STON1: variants seen among roughly 807,000 people sequenced by gnomAD.
The protein encoded by STON1 is stonin 1, also known as stonin-1.
STON1 carries 79 observed loss-of-function variants against 60.9 expected under a neutral mutation model. The ratio of observed to expected loss-of-function variants is 1.30; its 90% CI spans 1.08 to 1.56. The LOEUF (loss-of-function observed/expected upper bound fraction) is 1.56, where lower values mean the gene tolerates loss of function less well. Ranked by LOEUF, STON1 falls within the 40% of genes most tolerant of loss-of-function variation. STON1 has a pLI of 0.00. For synonymous variants in STON1, 363 were observed against 306.9 expected (o/e 1.18, Z -1.91); for missense variants, 1,166 against 858.9 (o/e 1.36, Z -4.47).
At chr2:48,570,304 A>G (rs2103866743) in intron 1 of STON1, among the ~76,000 whole-genome samples, 1 of 152,318 alleles carries the variant, frequency 6.6e-6, no homozygotes, top group Non-Finnish European at 1.5e-5. Flanking sequence ...ACTGCACTCC[A>G]GCCTGGGTGA....
At chr2:48,530,265 C>T (rs993373788) in intron 1 of STON1, 49 bp downstream of exon 1, 4 of 351,732 alleles carry the variant, frequency 1.1e-5, no homozygotes, top group Non-Finnish European at 1.6e-5. Context: ...GGGACCCCCC[C>T]TCTCCAGGGT....
In STON1 at chr2:48,580,991, G is replaced by A. The variant is rs780233160; in HGVS notation, c.358G>A (p.Glu120Lys). 8.3e-6 allele frequency: 13 copies of A among 1,574,330 alleles called. No individual in the cohort carries two copies. Among genetic ancestry groups the A allele is most frequent in the Non-Finnish European group, 1.1e-5 (13 of 1,163,452 alleles). The change falls in exon 2 of 4, where the codon GAA (glutamate) becomes AAA (lysine). Residue 120 changes from glutamate to lysine, a missense_variant. By Grantham distance (56) the Glu-to-Lys change is moderately conservative (BLOSUM62 1). Coordinates refer to ENST00000404752, the MANE Select transcript of STON1 (RefSeq NM_006873.4). ...CAGCCCACTCGCAATATCAGGAGGA[G>A]AATCTTCCTTACTGCCTACCAGACC... is the stretch of plus-strand genomic sequence containing the variant. Reference protein sequence around the residue: ...SDSPLAISGGESSLLPTRPTC... With the variant: ...SDSPLAISGGKSSLLPTRPTC...
intron 1 of STON1, among the ~76,000 whole-genome samples, chr2:48,550,064 A>C (rs1672035409): frequency 6.6e-6 from 1 of 152,034 alleles, no homozygotes; most frequent in East Asian, 1.9e-4. Flanking sequence ...TCTGGGATCT[A>C]GTAGATGCTC....
intron 1 of STON1, among the ~76,000 whole-genome samples, chr2:48,544,813 C>T (rs1027060670): frequency 3.3e-5 from 5 of 152,192 alleles, no homozygotes; most frequent in Admixed American, 1.3e-4. Context: ...TCCCAAAGTG[C>T]TGGGATTACA....
At chr2:48,569,524 G>A (rs936765158) in intron 1 of STON1, among the ~76,000 whole-genome samples, 1 of 152,206 alleles carries the variant, frequency 6.6e-6, no homozygotes, top group African/African-American at 2.4e-5. Context: ...AATCAGAAAT[G>A]TATTAAGCTT....
chr2:48,577,637 A>T (rs66888174), intron 1 of STON1, among the ~76,000 whole-genome samples: 49,957 of 150,664 alleles, frequency 0.33, 8,412 homozygotes, highest in East Asian at 0.42. Context: ...TTTGTAGGGG[A>T]GGAGATTCAC....
intron 1 of STON1, among the ~76,000 whole-genome samples, chr2:48,545,847 G>T (rs1371589659): frequency 6.6e-6 from 1 of 152,126 alleles, no homozygotes; most frequent in East Asian, 1.9e-4. Flanking sequence ...TCTGTTTCAG[G>T]TACCTACATA....
In STON1 at chr2:48,546,805, A is replaced by G. The variant is rs112193421; in HGVS notation, c.-48+16589A>G. Among the ~76,000 whole-genome samples the G allele has an allele frequency of 6.4e-3, 967 of 152,266 alleles. 12 individuals are homozygous for G. The highest frequency in any genetic ancestry group is 0.022 in the African/African-American group (912 of 41,548). ...GGTCTCAAACTCCTGGCCTCAAGCA[A>G]TCTTCCTGCTTTGGCCTCCCAAAAT... On this transcript the variant is annotated intron_variant, in intron 1 of 3. Transcript: ENST00000404752.
chr2:48,587,495 A>G (rs1270958017), intron 2 of STON1, among the ~76,000 whole-genome samples: 3 of 152,014 alleles, frequency 2.0e-5, no homozygotes, highest in Non-Finnish European at 4.4e-5. Context: ...GTTTCGCCAT[A>G]TTGGCCAGGC....
chr2:48,589,124 G>T (rs371164407), intron 2 of STON1, among the ~76,000 whole-genome samples: 1 of 152,066 alleles, frequency 6.6e-6, no homozygotes. Context: ...CCAATTTTTC[G>T]ACTTTTCTCT....
At chr2:48,531,285 T>TA (rs1671201986) in intron 1 of STON1, 1 of 151,768 alleles carries the variant, frequency 6.6e-6, no homozygotes, top group Non-Finnish European at 1.5e-5. Context: ...CCCTCCCAAC[T>TA]CCCCCACCCC....
At chr2:48,567,573 G>A (rs887409935) in intron 1 of STON1, among the ~76,000 whole-genome samples, 5 of 152,154 alleles carry the variant, frequency 3.3e-5, no homozygotes, top group African/African-American at 9.6e-5. Flanking sequence ...CACCGTGCCC[G>A]GCTAATTTTT....
intron 1 of STON1, among the ~76,000 whole-genome samples, chr2:48,532,255 G>A (rs1288723781): frequency 1.3e-5 from 2 of 151,720 alleles, no homozygotes; most frequent in Admixed American, 6.6e-5. Flanking sequence ...AGGTTGAGGC[G>A]GAAGAATCGT....
intron 1 of STON1, among the ~76,000 whole-genome samples, chr2:48,568,306 G>T (rs1673035051): frequency 6.6e-6 from 1 of 152,178 alleles, no homozygotes; most frequent in African/African-American, 2.4e-5. Context: ...TACTGAAGTG[G>T]GGACAAAGTC....
chr2:48,581,175 C>G lies in STON1; in HGVS notation c.542C>G (p.Ala181Gly). ...TTTCAGTATTTTCGAGAGGACTGTG[C>G]TTTTTCAAGTCCATTTTGGAAAGAT... ...PQFQYFREDC[A>G]FSSPFWKDEG... The change falls in exon 2 of 4, where the codon GCT becomes GGT. Residue 181 changes from alanine to glycine, a missense_variant. Ala to Gly is a moderately conservative substitution (Grantham distance 60). Coordinates refer to ENST00000404752, the MANE Select transcript of STON1 (RefSeq NM_006873.4). 6.5e-7 allele frequency: 1 copy of G among 1,539,800 alleles called. No homozygotes were observed.
chr2:48,581,960 T>C lies in STON1; in HGVS notation c.1327T>C (p.Tyr443His). Reference sequence around the variant, plus strand: ...TGAAAGTGCTGTGATAACTCAAATTTATTGCCTCTGCTTTGTGAATGGGAA... The same window carrying C: ...TGAAAGTGCTGTGATAACTCAAATTCATTGCCTCTGCTTTGTGAATGGGAA... ...FVESAVITQIYCLCFVNGNLE... is the reference protein window; with the variant it reads ...FVESAVITQIHCLCFVNGNLE... Residue 443 changes from tyrosine (Y) to histidine (H), a missense_variant, in exon 2 of 4, where the codon TAT (tyrosine) becomes CAT (histidine). By Grantham distance (83) the Tyr-to-His change is moderately conservative (BLOSUM62 2). Transcript: ENST00000404752. 3 of 1,614,202 alleles carry C rather than the reference T, an allele frequency of 1.9e-6. No homozygotes were observed. Among genetic ancestry groups the C allele is most frequent in the Non-Finnish European group, 2.5e-6 (3 of 1,180,036 alleles).
intron 1 of STON1, among the ~76,000 whole-genome samples, chr2:48,543,410 G>C (rs1671738474): frequency 1.3e-5 from 2 of 151,994 alleles, no homozygotes; most frequent in African/African-American, 4.8e-5. Flanking sequence ...TTTCTGTAGA[G>C]TAGCTATGTT....
chr2:48,565,210 G>T (rs1358913266), intron 1 of STON1, among the ~76,000 whole-genome samples: 1 of 151,322 alleles, frequency 6.6e-6, no homozygotes, highest in African/African-American at 2.4e-5. Context: ...CCGCCACCAC[G>T]CCCGGCTAAT....
rs1558605931 is a variant in STON1, at chr2:48,564,584, C to CTCCTTCTCCTT, written c.-47-16003_-47-16002insTCCTTCTCCTT. On this transcript the variant is annotated intron_variant, in intron 1 of 3. Transcript: ENST00000404752. ...TTCTTCTTCTCCTTCTCCTTCTCCT[C>CTCCTTCTCCTT]CTCCTCCTCCTCCTCCTCCTTCTCC... Among the ~76,000 whole-genome samples the CTCCTTCTCCTT allele has an allele frequency of 9.7e-4, 41 of 42,364 alleles. 12 individuals carry two copies. Among genetic ancestry groups the CTCCTTCTCCTT allele is most frequent in the African/African-American group, 3.3e-3 (40 of 12,148 alleles). The allele number at this position is 42,364 out of a possible 152,430, so 27.8% of individuals were successfully genotyped here. A position where few individuals can be genotyped will look rare whatever the true frequency, so the allele number is the denominator to read the frequency against.
Sources: gnomAD v4.1 joint callset for allele counts (sites outside exome capture counted in the v4.1 genomes callset) on GRCh38, gnomAD v4.1.1 for gene constraint, MANE v1.5 for transcripts, NCBI Gene and HGNC (gene_info 2026-07-23, HGNC 2026-07-21) for gene names.